Variants in EXOC4 observed in about 807,000 individuals in gnomAD.
EXOC4 encodes the protein SEC8-like 1.
Under a neutral mutation model 107.2 loss-of-function variants are expected in EXOC4, and 71 were observed. The ratio of observed to expected loss-of-function variants is 0.66; its 90% CI spans 0.55 to 0.81. The LOEUF is 0.81. Ranked by LOEUF, EXOC4 falls within the 30% of genes least tolerant of loss-of-function variation. The probability of loss-of-function intolerance (pLI) is 0.00; values close to 1 mark genes in which losing one functional copy is unlikely to be tolerated. For synonymous variants in EXOC4, 456 were observed against 441.2 expected (o/e 1.03, Z -0.42); for missense variants, 1,108 against 1,189.6 (o/e 0.93, Z 1.01).
chr7:133,332,755 T>C (rs1795423550), intron 5 of EXOC4, among the ~76,000 whole-genome samples: 1 of 152,226 alleles, frequency 6.6e-6, no homozygotes, highest in South Asian at 2.1e-4. Flanking sequence ...TTTTAATTTT[T>C]GCATAGCTGG....
At chr7:133,467,663 T>G (rs1798764867) in intron 7 of EXOC4, among the ~76,000 whole-genome samples, 1 of 151,984 alleles carries the variant, frequency 6.6e-6, no homozygotes, top group Non-Finnish European at 1.5e-5. Context: ...TTGGTCATTT[T>G]AATGTCGCCT....
chr7:133,935,499 C>A (rs1281472270), intron 13 of EXOC4, among the ~76,000 whole-genome samples: 1 of 152,164 alleles, frequency 6.6e-6, no homozygotes, highest in Non-Finnish European at 1.5e-5. Flanking sequence ...TAATTAACAT[C>A]TTGAAAATTC....
At chr7:133,847,537 A>ATTTTTTTTTTTTTTTTT (rs34297470) in intron 11 of EXOC4, among the ~76,000 whole-genome samples, 1 of 127,190 alleles carries the variant, frequency 7.9e-6, no homozygotes, top group Non-Finnish European at 1.6e-5. Context: ...TACACCAGCT[A>ATTTTTTTTTTTTTTTTT]TTTTTTTTTT....
chr7:133,671,881 C>G (rs188652386), intron 10 of EXOC4, among the ~76,000 whole-genome samples: 1 of 152,180 alleles, frequency 6.6e-6, no homozygotes, highest in East Asian at 1.9e-4. Context: ...AGAGTAAGAT[C>G]GTGAGTTTGG....
At chr7:133,940,354 T>C (rs1269904988) in intron 14 of EXOC4, among the ~76,000 whole-genome samples, 1 of 152,238 alleles carries the variant, frequency 6.6e-6, no homozygotes, top group Non-Finnish European at 1.5e-5. Flanking sequence ...GTCTAATTCA[T>C]GCCTATAATC....
intron 9 of EXOC4, among the ~76,000 whole-genome samples, chr7:133,579,939 C>A (rs1693563498): frequency 6.6e-6 from 1 of 152,188 alleles, no homozygotes. Context: ...TTGTGATCTG[C>A]CCGCCTTGGC....
intron 10 of EXOC4, among the ~76,000 whole-genome samples, chr7:133,687,208 G>A (rs914175958): frequency 5.9e-5 from 9 of 152,060 alleles, no homozygotes; most frequent in African/African-American, 1.9e-4. Context: ...TAAGCTATGA[G>A]GATGCAGAGG....
intron 12 of EXOC4, among the ~76,000 whole-genome samples, chr7:133,902,420 A>G (rs377145863): frequency 6.6e-6 from 1 of 152,206 alleles, no homozygotes; most frequent in African/African-American, 2.4e-5. Flanking sequence ...TATTCAACAA[A>G]TATTTATTGA....
chr7:133,872,588 C>A (rs1798772978), intron 11 of EXOC4, among the ~76,000 whole-genome samples: 1 of 152,008 alleles, frequency 6.6e-6, no homozygotes, highest in Non-Finnish European at 1.5e-5. Context: ...TAAAAAAAAT[C>A]TTAGTGATAA....
intron 12 of EXOC4, among the ~76,000 whole-genome samples, chr7:133,916,667 A>G (rs971022942): frequency 6.6e-6 from 1 of 152,136 alleles, no homozygotes; most frequent in Non-Finnish European, 1.5e-5. Context: ...GCAAGTGCAT[A>G]ATGCCCCCCA....
intron 2 of EXOC4, among the ~76,000 whole-genome samples, chr7:133,279,398 C>G (rs990341493): frequency 2.0e-5 from 3 of 152,124 alleles, no homozygotes; most frequent in Non-Finnish European, 2.9e-5. Context: ...CATGATGTGG[C>G]TAACATCTTA....
chr7:133,423,722 T>C (rs1037543918), intron 7 of EXOC4, among the ~76,000 whole-genome samples: 5 of 152,134 alleles, frequency 3.3e-5, no homozygotes, highest in Non-Finnish European at 7.4e-5. Context: ...GAAGCCGGCT[T>C]CCTCTGCTCG....
At chr7:133,410,463 T>C (rs1584895146) in intron 7 of EXOC4, among the ~76,000 whole-genome samples, 1 of 152,320 alleles carries the variant, frequency 6.6e-6, no homozygotes, top group East Asian at 1.9e-4. Context: ...TGCTGCCTTA[T>C]TTTATCTGAT....
At chr7:133,756,750 T>G (rs992135359) in intron 10 of EXOC4, among the ~76,000 whole-genome samples, 1 of 152,226 alleles carries the variant, frequency 6.6e-6, no homozygotes, top group African/African-American at 2.4e-5. Flanking sequence ...GTGGCTTATT[T>G]TACTCTAATA....
chr7:133,919,015 A>G (rs545138406), intron 13 of EXOC4, among the ~76,000 whole-genome samples: 126 of 152,312 alleles, frequency 8.3e-4, no homozygotes, highest in Non-Finnish European at 1.5e-3. Flanking sequence ...CTACAGTGCC[A>G]TATTTTTATG....
intron 17 of EXOC4, among the ~76,000 whole-genome samples, chr7:134,057,414 G>T (rs1795956297): frequency 7.1e-6 from 1 of 139,882 alleles, no homozygotes; most frequent in African/African-American, 3.0e-5. Flanking sequence ...ACCTAATTGT[G>T]CCACTAACTG....
chr7:133,955,924 C>T (rs1201470507), intron 14 of EXOC4, among the ~76,000 whole-genome samples: 1 of 152,240 alleles, frequency 6.6e-6, no homozygotes, highest in East Asian at 1.9e-4. Flanking sequence ...AGAGTAGGCA[C>T]TTCTGAGCCT....
At chr7:133,936,333 C>T (rs77297336) in intron 13 of EXOC4, among the ~76,000 whole-genome samples, 1 of 152,370 alleles carries the variant, frequency 6.6e-6, no homozygotes, top group South Asian at 2.1e-4. Flanking sequence ...ATTTGATTCA[C>T]AGCAGTTGTT....
chr7:133,718,241 T>C (rs1178181637), intron 10 of EXOC4, among the ~76,000 whole-genome samples: 1 of 152,178 alleles, frequency 6.6e-6, no homozygotes, highest in Non-Finnish European at 1.5e-5. Context: ...GGTTTGAGTT[T>C]CCCTGGTATT....
Sources: allele counts gnomAD v4.1 joint callset (sites outside exome capture counted in the v4.1 genomes callset), GRCh38; gene constraint gnomAD v4.1.1; transcripts MANE v1.5; gene names NCBI Gene and HGNC (gene_info 2026-07-23, HGNC 2026-07-21).